Variants in ITGA8 observed in about 807,000 individuals in gnomAD.
ITGA8 encodes integrin subunit alpha 8.
Under a neutral mutation model 142.3 loss-of-function variants are expected in ITGA8, and 91 were observed. The ratio of observed to expected loss-of-function variants is 0.64; its 90% CI spans 0.54 to 0.76. The LOEUF (loss-of-function observed/expected upper bound fraction) is 0.76. ITGA8 is among the 30% of genes least tolerant of loss of function. ITGA8 has a pLI of 0.00. For missense variants in ITGA8, 1,406 were observed against 1,327.7 expected (o/e 1.06, Z -0.92); for synonymous variants, 505 against 485.2 (o/e 1.04, Z -0.54).
intron 9 of ITGA8, among the ~76,000 whole-genome samples, chr10:15,660,361 T>C (rs1339338259): frequency 1.3e-5 from 2 of 152,246 alleles, no homozygotes; most frequent in African/African-American, 4.8e-5. Flanking sequence ...TAGCTGCTCC[T>C]GCACATGGAT....
At chr10:15,694,191 A>G (rs865791844) in intron 2 of ITGA8, among the ~76,000 whole-genome samples, 1 of 137,062 alleles carries the variant, frequency 7.3e-6, no homozygotes, top group Non-Finnish European at 1.5e-5. Flanking sequence ...TATCATATAT[A>G]TGATAATATA....
chr10:15,629,901 C>G (rs1261136576), intron 13 of ITGA8, among the ~76,000 whole-genome samples: 3 of 152,036 alleles, frequency 2.0e-5, no homozygotes, highest in African/African-American at 7.3e-5. Flanking sequence ...GCACCCCAGT[C>G]TTGGTGACAG....
At position 15,534,840 on chromosome 10, in the gene ITGA8, C is replaced by G. The variant is rs556322998; in HGVS notation, c.2881-3689G>C. Among the ~76,000 whole-genome samples, 23 of 152,356 alleles carry G rather than the reference C, an allele frequency of 1.5e-4. No homozygotes were observed. In the East Asian group the frequency reaches 3.1e-3, roughly 21 times the overall value. On this transcript the variant is annotated intron_variant, in intron 27 of 29. Coordinates refer to ENST00000378076, the MANE Select transcript of ITGA8 (RefSeq NM_003638.3). Reference sequence around the variant, plus strand: ...CACAGCCCTGGCTCGCTCTCGGCGCCTCCTCTGCCTGGGCTCCAACTTTGG... The same window carrying G: ...CACAGCCCTGGCTCGCTCTCGGCGCGTCCTCTGCCTGGGCTCCAACTTTGG...
chr10:15,519,711 C>T (rs575598489), intron 28 of ITGA8, among the ~76,000 whole-genome samples: 31 of 152,180 alleles, frequency 2.0e-4, no homozygotes, highest in African/African-American at 6.7e-4. Context: ...AAAGGAATGG[C>T]CTTCACTTGG....
At chr10:15,660,253 C>T (rs1834259558) in intron 9 of ITGA8, among the ~76,000 whole-genome samples, 1 of 152,052 alleles carries the variant, frequency 6.6e-6, no homozygotes, top group African/African-American at 2.4e-5. Flanking sequence ...TGGGTCTCAC[C>T]CTTGGTTTAA....
intron 13 of ITGA8, among the ~76,000 whole-genome samples, chr10:15,634,090 T>C (rs1235403287): frequency 3.9e-5 from 6 of 152,198 alleles, no homozygotes; most frequent in African/African-American, 1.2e-4. Context: ...CTCACAGTCA[T>C]ACCTATCTCA....
chr10:15,542,674 A>G (rs1194048465), intron 27 of ITGA8, among the ~76,000 whole-genome samples: 3 of 152,204 alleles, frequency 2.0e-5, no homozygotes, highest in Admixed American at 2.0e-4. Flanking sequence ...AGTCTAGTGT[A>G]GTAACATACA....
At chr10:15,672,281 A>T (rs1266061928) in intron 7 of ITGA8, among the ~76,000 whole-genome samples, 1 of 152,204 alleles carries the variant, frequency 6.6e-6, no homozygotes, top group Admixed American at 6.5e-5. Context: ...CAGCAACTCA[A>T]ACTTCTCTTG....
At chr10:15,583,566 A>G (rs1834454685) in intron 23 of ITGA8, among the ~76,000 whole-genome samples, 1 of 152,184 alleles carries the variant, frequency 6.6e-6, no homozygotes. Flanking sequence ...ATTCAAGAAC[A>G]CAGATGTTTC....
At chr10:15,689,588 A>G (rs1247712320) in intron 2 of ITGA8, among the ~76,000 whole-genome samples, 1 of 151,960 alleles carries the variant, frequency 6.6e-6, no homozygotes, top group Non-Finnish European at 1.5e-5. Flanking sequence ...CAGCAGCACA[A>G]CTCCAGAGAC....
chr10:15,636,122 C>A (rs974096431), intron 13 of ITGA8, among the ~76,000 whole-genome samples: 7 of 152,150 alleles, frequency 4.6e-5, no homozygotes, highest in African/African-American at 1.7e-4. Flanking sequence ...GATTTCTGCC[C>A]CTCAACAAAA....
At chr10:15,551,021 A>T (rs372080374) in intron 26 of ITGA8, among the ~76,000 whole-genome samples, 82 of 152,248 alleles carry the variant, frequency 5.4e-4, no homozygotes, top group African/African-American at 1.5e-3. Context: ...TTACATGGAG[A>T]ATGCTCTTTG....
chr10:15,635,370 G>T (rs1833756211), intron 13 of ITGA8, among the ~76,000 whole-genome samples: 1 of 152,070 alleles, frequency 6.6e-6, no homozygotes, highest in African/African-American at 2.4e-5. Flanking sequence ...ACTGTGTAAA[G>T]GCAGGAAATC....
At chr10:15,528,979 CTTCT>C (rs1420410804) in intron 28 of ITGA8, among the ~76,000 whole-genome samples, 2 of 146,368 alleles carry the variant, frequency 1.4e-5, no homozygotes, top group Non-Finnish European at 3.0e-5. Flanking sequence ...TCTTTCTTTC[CTTCT>C]TTCTTTCCTT....
intron 25 of ITGA8, among the ~76,000 whole-genome samples, chr10:15,570,726 A>G (rs904392069): frequency 5.3e-5 from 8 of 152,032 alleles, no homozygotes; most frequent in African/African-American, 1.9e-4. Flanking sequence ...CAAGTCATCT[A>G]TTAATACTAT....
At chr10:15,662,486 A>ATG in intron 8 of ITGA8, among the ~76,000 whole-genome samples, 1 of 151,784 alleles carries the variant, frequency 6.6e-6, no homozygotes, top group Non-Finnish European at 1.5e-5. Flanking sequence ...CCACAGGTAC[A>ATG]TGCCACTGTG....
intron 2 of ITGA8, among the ~76,000 whole-genome samples, chr10:15,706,727 C>T (rs541435934): frequency 1.1e-4 from 16 of 152,122 alleles, no homozygotes; most frequent in African/African-American, 3.6e-4. Context: ...GATGTGAGCC[C>T]CCATGACTGA....
At chr10:15,579,432 C>G (rs1293581097) in intron 23 of ITGA8, among the ~76,000 whole-genome samples, 1 of 151,860 alleles carries the variant, frequency 6.6e-6, no homozygotes, top group African/African-American at 2.4e-5. Context: ...TTATATTCAG[C>G]CATTAGCTGT....
At chr10:15,562,350 A>T (rs1217935923) in intron 25 of ITGA8, among the ~76,000 whole-genome samples, 1 of 152,222 alleles carries the variant, frequency 6.6e-6, no homozygotes, top group South Asian at 2.1e-4. Flanking sequence ...TCAATCTGTC[A>T]TGGCGCCATC....
Sources: gnomAD v4.1 joint callset for allele counts (sites outside exome capture counted in the v4.1 genomes callset) on GRCh38, gnomAD v4.1.1 for gene constraint, MANE v1.5 for transcripts, NCBI Gene and HGNC (gene_info 2026-07-23, HGNC 2026-07-21) for gene names.